The following OR9Q1 variants were observed in gnomAD, a reference collection of about 807,000 sequenced individuals.
The protein encoded by OR9Q1 is olfactory receptor family 9 subfamily Q member 1.
For synonymous variants in OR9Q1, 153 were observed against 148.6 expected (o/e 1.03, Z -0.22); for missense variants, 374 against 378.8 (o/e 0.99, Z 0.11).
intron 2 of OR9Q1, among the ~76,000 whole-genome samples, chr11:58,107,123 T>A (rs1021191307): frequency 3.9e-5 from 6 of 152,034 alleles, no homozygotes; most frequent in Non-Finnish European, 7.4e-5. Context: ...TCTTTTTTTT[T>A]AAATTATACT....
At chr11:58,107,555 A>G (rs193225519) in intron 2 of OR9Q1, among the ~76,000 whole-genome samples, 73 of 152,300 alleles carry the variant, frequency 4.8e-4, no homozygotes, top group Admixed American at 1.4e-3. Flanking sequence ...TATTGTGAAT[A>G]GTGCCGTAAT....
intron 2 of OR9Q1, among the ~76,000 whole-genome samples, chr11:58,087,080 A>T (rs1335445631): frequency 6.6e-6 from 1 of 151,864 alleles, no homozygotes; most frequent in Non-Finnish European, 1.5e-5. Flanking sequence ...CAGCATAAAC[A>T]TGTATCAAAA....
chr11:58,046,809 G>A (rs1250732352), intron 1 of OR9Q1, among the ~76,000 whole-genome samples: 2 of 152,038 alleles, frequency 1.3e-5, no homozygotes, highest in South Asian at 4.1e-4. Context: ...GTTGCAGTGA[G>A]CTGAGATCAC....
chr11:58,156,874 G>T (rs1014482071), intron 2 of OR9Q1, among the ~76,000 whole-genome samples: 32 of 152,200 alleles, frequency 2.1e-4, no homozygotes, highest in African/African-American at 7.5e-4. Context: ...TTCAGTTGCA[G>T]AACAGTTTAA....
Position 58,066,293 on chromosome 11 carries a change from G to A in OR9Q1, c.-15+10346G>A, listed in dbSNP as rs547273857. Among the ~76,000 whole-genome samples, 747 of 152,258 alleles carry A rather than the reference G, an allele frequency of 4.9e-3. 4 individuals are homozygous for A. The highest frequency in any genetic ancestry group is 8.5e-3 in the Non-Finnish European group (581 of 68,020). Reference sequence around the variant, plus strand: ...AAGGTGTCTGCAGGTCTGGACGTTGGCAGGTAGCTGGGGGTCCAGATAGTG... The same window carrying A: ...AAGGTGTCTGCAGGTCTGGACGTTGACAGGTAGCTGGGGGTCCAGATAGTG... On this transcript the variant is annotated intron_variant, in intron 2 of 2. Transcript: ENST00000335397.
chr11:58,058,988 C>T (rs1853353103), intron 2 of OR9Q1, among the ~76,000 whole-genome samples: 1 of 152,154 alleles, frequency 6.6e-6, no homozygotes, highest in Non-Finnish European at 1.5e-5. Flanking sequence ...CATTCCTGGC[C>T]TGAACACACT....
chr11:58,156,715 T>A (rs1353647971), intron 2 of OR9Q1, among the ~76,000 whole-genome samples: 1 of 152,166 alleles, frequency 6.6e-6, no homozygotes, highest in Non-Finnish European at 1.5e-5. Context: ...CCCTGAGACT[T>A]CTTCTGTGTA....
intron 2 of OR9Q1, among the ~76,000 whole-genome samples, chr11:58,174,832 G>A (rs117935678): frequency 5.1e-4 from 78 of 151,616 alleles, no homozygotes; most frequent in Non-Finnish European, 9.7e-4. Flanking sequence ...AAGGCCAGGC[G>A]CAGTGGCTCA....
At chr11:58,177,446 T>C (rs1174093872) in intron 2 of OR9Q1, among the ~76,000 whole-genome samples, 1 of 152,252 alleles carries the variant, frequency 6.6e-6, no homozygotes, top group Non-Finnish European at 1.5e-5. Context: ...GAAAAGTTCC[T>C]ACCTCATGTA....
intron 2 of OR9Q1, among the ~76,000 whole-genome samples, chr11:58,178,272 A>G (rs1333600287): frequency 2.0e-5 from 3 of 152,230 alleles, no homozygotes; most frequent in Non-Finnish European, 2.9e-5. Flanking sequence ...CTTTAAAAAG[A>G]CAAATATTTA....
intron 2 of OR9Q1, among the ~76,000 whole-genome samples, chr11:58,140,767 C>T (rs1445167592): frequency 6.6e-6 from 1 of 152,192 alleles, no homozygotes; most frequent in East Asian, 1.9e-4. Flanking sequence ...CTTGGCAATG[C>T]GGGCTGTTTT....
intron 2 of OR9Q1, among the ~76,000 whole-genome samples, chr11:58,125,963 C>T (rs909319639): frequency 5.3e-5 from 8 of 152,166 alleles, no homozygotes; most frequent in African/African-American, 1.9e-4. Flanking sequence ...ACACACTCAT[C>T]CTTAGTCCTG....
chr11:58,177,796 T>G (rs1854619611), intron 2 of OR9Q1, among the ~76,000 whole-genome samples: 1 of 152,254 alleles, frequency 6.6e-6, no homozygotes, highest in Non-Finnish European at 1.5e-5. Context: ...ATATATTATT[T>G]GGTAACTTTA....
At chr11:58,135,784 T>C (rs1447309912) in intron 2 of OR9Q1, among the ~76,000 whole-genome samples, 1 of 152,198 alleles carries the variant, frequency 6.6e-6, no homozygotes, top group Non-Finnish European at 1.5e-5. Flanking sequence ...AGTGGATTAG[T>C]TTTTTGAGCT....
At chr11:58,155,021 C>T (rs1277875002) in intron 2 of OR9Q1, among the ~76,000 whole-genome samples, 1 of 152,162 alleles carries the variant, frequency 6.6e-6, no homozygotes, top group Non-Finnish European at 1.5e-5. Flanking sequence ...TTCTACCTAC[C>T]TTCCTGCCTA....
At chr11:58,104,480 A>G (rs1287374643) in intron 2 of OR9Q1, among the ~76,000 whole-genome samples, 1 of 152,190 alleles carries the variant, frequency 6.6e-6, no homozygotes, top group Non-Finnish European at 1.5e-5. Flanking sequence ...TGCCTATACA[A>G]AATAAGCTTT....
At chr11:58,122,865 TG>T (rs1456536775) in intron 2 of OR9Q1, among the ~76,000 whole-genome samples, 2 of 152,144 alleles carry the variant, frequency 1.3e-5, no homozygotes, top group Non-Finnish European at 2.9e-5. Context: ...GGCTGTGGTG[TG>T]TTTTAAAATT....
At chr11:58,158,517 C>A (rs1854429287) in intron 2 of OR9Q1, among the ~76,000 whole-genome samples, 1 of 151,148 alleles carries the variant, frequency 6.6e-6, no homozygotes, top group Admixed American at 6.6e-5. Flanking sequence ...CAGCAAGAGT[C>A]CAGGTCCTTG....
At chr11:58,151,908 GT>G (rs1314501338) in intron 2 of OR9Q1, among the ~76,000 whole-genome samples, 3 of 152,082 alleles carry the variant, frequency 2.0e-5, no homozygotes, top group African/African-American at 7.2e-5. Context: ...TCTACTGTAG[GT>G]AAGGGAATTG....
Sources: allele counts gnomAD v4.1 joint callset (sites outside exome capture counted in the v4.1 genomes callset), GRCh38; gene constraint gnomAD v4.1.1; transcripts MANE v1.5; gene names NCBI Gene and HGNC (gene_info 2026-07-23, HGNC 2026-07-21).